SUGP1: variants seen among roughly 807,000 people sequenced by gnomAD.
The protein encoded by SUGP1 is SURP and G-patch domain-containing protein 1.
A neutral mutation model predicts 76.5 loss-of-function variants in SUGP1; 34 were observed. The observed-to-expected ratio is 0.44, with a 90% CI of 0.34 to 0.59. The LOEUF is 0.59. SUGP1 is among the 20% of genes least tolerant of loss of function. SUGP1 has a pLI of 0.01. For synonymous variants in SUGP1, 326 were observed against 326.2 expected (o/e 1.00, Z 0.01); for missense variants, 752 against 851.7 (o/e 0.88, Z 1.46).
chr19:19,297,370 G>T (rs761309414), intron 7 of SUGP1, 26 bp from the exon 8 acceptor site: 1 of 1,384,700 alleles, frequency 7.2e-7, no homozygotes. Flanking sequence ...GGGGGGTGCA[G>T]TGTCAGCTGG....
intron 8 of SUGP1, among the ~76,000 whole-genome samples, chr19:19,289,749 A>AAAAAAAC (rs1234726266): frequency 4.6e-5 from 7 of 152,258 alleles, no homozygotes; most frequent in East Asian, 1.9e-4. Context: ...CTCTGCCTCA[A>AAAAAAAC]AAAAAACAAA....
chr19:19,306,100 G>A (rs756664463), intron 3 of SUGP1, 24 bp from the exon 4 acceptor site: 14 of 1,525,596 alleles, frequency 9.2e-6, no homozygotes, highest in African/African-American at 5.5e-5. Flanking sequence ...AAGGATATGC[G>A]CACTCGGGAT....
intron 8 of SUGP1, among the ~76,000 whole-genome samples, chr19:19,282,456 A>G (rs972419225): frequency 2.1e-4 from 32 of 151,738 alleles, no homozygotes; most frequent in Middle Eastern, 3.4e-3. Context: ...AAAAAAAAAA[A>G]AGAGACTCAA....
At chr19:19,310,289 C>A in intron 2 of SUGP1, 89 bp from the exon 3 acceptor site, 1 of 1,007,886 alleles carries the variant, frequency 9.9e-7, no homozygotes. Context: ...AGGCCATCAC[C>A]TCGTCCATCA....
rs1269203791 is a variant in SUGP1, at chr19:19,313,566, A to G, written c.206+2856T>C. On this transcript the variant is annotated intron_variant, in intron 2 of 13. Coordinates refer to ENST00000247001, the MANE Select transcript of SUGP1 (RefSeq NM_172231.4). The stretch of plus-strand genomic sequence containing the variant: ...TCTACACAAAATTTAAAAATTAGCT[A>G]GGCATGGCAGTGGACATCTGTAGTC... Among the ~76,000 whole-genome samples the G allele has an allele frequency of 2.6e-5, 4 of 152,234 alleles. No individual in the cohort carries two copies. The East Asian group carries it at 7.7e-4, about 29-fold the overall frequency.
chr19:19,305,716 G>T, intron 4 of SUGP1, 133 bp downstream of exon 4: 1 of 858,636 alleles, frequency 1.2e-6, no homozygotes, highest in Non-Finnish European at 1.8e-6. Context: ...CTGAGGCTCA[G>T]CTCAGAGGTC....
intron 7 of SUGP1, among the ~76,000 whole-genome samples, chr19:19,298,638 T>C (rs904578686): frequency 6.6e-6 from 1 of 152,198 alleles, no homozygotes; most frequent in African/African-American, 2.4e-5. Flanking sequence ...ATCTTCTCTG[T>C]AATCCTGGGT....
At chr19:19,302,582 C>A in intron 6 of SUGP1, 194 bp from the exon 7 acceptor site, 1 of 722,106 alleles carries the variant, frequency 1.4e-6, no homozygotes, top group Admixed American at 3.1e-5. Context: ...ACCCCCGACC[C>A]CCGCCCCGTC....
intron 8 of SUGP1, 149 bp downstream of exon 8, chr19:19,296,840 A>T: frequency 4.6e-6 from 3 of 649,634 alleles, no homozygotes; most frequent in Non-Finnish European, 7.3e-6. Context: ...GGGTAAGCCA[A>T]ATGTGGTATG....
rs141492378 is a variant in SUGP1, at chr19:19,297,107, G to A, written c.1125C>T (p.Ser375=). 1.4e-4 allele frequency: 220 copies of A among 1,613,756 alleles called. No individual in the cohort carries two copies. The highest frequency in any genetic ancestry group is 1.7e-4 in the Non-Finnish European group (206 of 1,179,846). ...PAPAAPGKPA[S]AATVKRKRKS... is the part of the protein sequence containing the mutation. ...TCCGCTTCCTCTTCACGGTGGCTGC[G>A]GAGGCTGGCTTCCCGGGGGCAGCTG... The change falls in exon 8 of 14, where the codon TCC becomes TCT. Residue 375 remains serine, a synonymous_variant. Coordinates refer to ENST00000247001, the MANE Select transcript of SUGP1 (RefSeq NM_172231.4).
At chr19:19,278,870 C>A in intron 10 of SUGP1, 74 bp from the exon 11 acceptor site, 1 of 1,484,378 alleles carries the variant, frequency 6.7e-7, no homozygotes. Flanking sequence ...GCTCCCAGGG[C>A]ACAGGTATGA....
chr19:19,318,393 TAC>T (rs1388188408), intron 1 of SUGP1, among the ~76,000 whole-genome samples: 4 of 152,122 alleles, frequency 2.6e-5, no homozygotes, highest in Non-Finnish European at 5.9e-5. Context: ...GTGCTGGGAT[TAC>T]AGGCGTGAGC....
In SUGP1 at chr19:19,319,407, T is replaced by C. The variant is rs532572898; in HGVS notation, c.34+1056A>G. On this transcript the variant is annotated intron_variant, in intron 1 of 13. Coordinates refer to ENST00000247001, the MANE Select transcript of SUGP1 (RefSeq NM_172231.4). Reference sequence around the variant, plus strand: ...CAGGGATTCCCATAGCTGGCATTCATTGTCTTAACTCAAATGTCCTCTGCT... The same window carrying C: ...CAGGGATTCCCATAGCTGGCATTCACTGTCTTAACTCAAATGTCCTCTGCT... 4.6e-5 allele frequency among the ~76,000 whole-genome samples: 7 copies of C among 151,594 alleles called. No homozygotes were observed. In the East Asian group the frequency reaches 7.8e-4, roughly 17 times the overall value.
At chr19:19,284,089 A>G (rs1350728010) in intron 8 of SUGP1, among the ~76,000 whole-genome samples, 2 of 152,212 alleles carry the variant, frequency 1.3e-5, no homozygotes, top group Non-Finnish European at 2.9e-5. Context: ...CAGGGTTCTC[A>G]AGTATTTTTC....
chr19:19,319,772 G>C (rs530544749), intron 1 of SUGP1, among the ~76,000 whole-genome samples: 1 of 147,008 alleles, frequency 6.8e-6, no homozygotes, highest in African/African-American at 2.5e-5. Context: ...CCCAATATCA[G>C]AAGCCTCCAC....
intron 3 of SUGP1, among the ~76,000 whole-genome samples, chr19:19,306,419 C>A (rs1439421443): frequency 6.6e-6 from 1 of 152,222 alleles, no homozygotes. Context: ...TCCCAGTTTA[C>A]AACCATTCCC....
intron 9 of SUGP1, 21 bp from the exon 10 acceptor site, chr19:19,279,411 T>C (rs2061080096): frequency 6.3e-7 from 1 of 1,580,874 alleles, no homozygotes; most frequent in East Asian, 2.3e-5. Context: ...CACTCGCCAG[T>C]GAGCCAGGGC....
intron 8 of SUGP1, 92 bp from the exon 9 acceptor site, chr19:19,280,383 A>G (rs2061088898): frequency 1.8e-6 from 2 of 1,121,204 alleles, no homozygotes; most frequent in Non-Finnish European, 2.7e-6. Context: ...TCACACCTTC[A>G]TGACACTCCA....
At chr19:19,306,714 T>C (rs1053604773) in intron 3 of SUGP1, among the ~76,000 whole-genome samples, 8 of 152,224 alleles carry the variant, frequency 5.3e-5, no homozygotes, top group Non-Finnish European at 1.2e-4. Context: ...TGCACACCTG[T>C]AGGCGACCAA....
Sources: allele counts gnomAD v4.1 joint callset (sites outside exome capture counted in the v4.1 genomes callset), GRCh38; gene constraint gnomAD v4.1.1; transcripts MANE v1.5; gene names NCBI Gene and HGNC (gene_info 2026-07-23, HGNC 2026-07-21).